MSN: variants seen among roughly 807,000 people sequenced by gnomAD.
The protein encoded by MSN is moesin.
MSN carries 2 observed loss-of-function variants against 48.0 expected under a neutral mutation model. That is an observed-to-expected ratio of 0.04 (90% CI 0.02 to 0.13). The LOEUF (loss-of-function observed/expected upper bound fraction) is 0.13, where lower values mean the gene tolerates loss of function less well. Ranked by LOEUF, MSN falls within the 10% of genes least tolerant of loss-of-function variation. The probability of loss-of-function intolerance (pLI) is 1.00; values close to 1 mark genes in which losing one functional copy is unlikely to be tolerated. For missense variants in MSN, 267 were observed against 470.1 expected, an observed-to-expected ratio of 0.57 and a Z score of 3.99; for synonymous variants, 146 against 166.9, an observed-to-expected ratio of 0.87 and a Z score of 0.97.
intron 1 of MSN, among the ~76,000 whole-genome samples, chrX:65,686,394 C>A (rs2071115274): frequency 8.9e-6 from 1 of 112,638 alleles, no homozygotes; most frequent in East Asian, 2.8e-4. Flanking sequence ...CAGAGGTTGA[C>A]CCTGACTGGG....
intron 1 of MSN, among the ~76,000 whole-genome samples, chrX:65,631,717 C>T (rs960550187): frequency 9.0e-6 from 1 of 111,680 alleles, no homozygotes; most frequent in Admixed American, 9.5e-5. Context: ...CTCTGTTGCC[C>T]ATGCTGGAGT....
intron 1 of MSN, among the ~76,000 whole-genome samples, chrX:65,708,540 A>G (rs1006661038): frequency 7.2e-5 from 8 of 110,953 alleles, no homozygotes; most frequent in African/African-American, 2.0e-4. Flanking sequence ...TGATCCGCCC[A>G]CATTGGCCTC....
chrX:65,681,597 C>G (rs1463644614), intron 1 of MSN, among the ~76,000 whole-genome samples: 1 of 112,286 alleles, frequency 8.9e-6, no homozygotes, highest in Non-Finnish European at 1.9e-5. Context: ...CAGAGAAAGC[C>G]TAGCTGGCCT....
rs2071733980 is a variant in MSN, at chrX:65,741,293, ACT to A, written c.*1403_*1404del. On this transcript the variant is annotated 3_prime_UTR_variant, in exon 13 of 13. Coordinates refer to ENST00000360270, the MANE Select transcript of MSN (RefSeq NM_002444.3). Reference sequence around the variant, plus strand: ...TCTTCTTCTTTCTACAGTATTATGTACTCTACTGATATCTAAATATTGATTTC... The same window carrying A: ...TCTTCTTCTTTCTACAGTATTATGTACTACTGATATCTAAATATTGATTTC... 6.0e-6 allele frequency: 1 copy of A among 165,660 alleles called. No individual in the cohort carries two copies. The highest frequency in any genetic ancestry group is 3.0e-5 in the African/African-American group (1 of 33,078). 13.7% of individuals were successfully genotyped at this position (165,660 alleles called of 1,213,427 possible).
At chrX:65,665,895 C>T (rs1393104232), upstream of MSN, among the ~76,000 whole-genome samples, 1 of 112,167 alleles carries the variant, frequency 8.9e-6, no homozygotes, top group African/African-American at 3.2e-5. Context: ...AACTGGCTTA[C>T]CATCTGTGGT....
chrX:65,612,679 G>A (rs2070330659), intron 1 of MSN, among the ~76,000 whole-genome samples: 1 of 108,976 alleles, frequency 9.2e-6, no homozygotes, highest in Non-Finnish European at 1.9e-5. Flanking sequence ...TCCTGCCTCA[G>A]CTTCTCAAGT....
At position 65,735,541 on chromosome X, in the gene MSN, G is replaced by A; in HGVS notation, c.959+111G>A. 4 of 838,006 alleles carry A rather than the reference G, an allele frequency of 4.8e-6. No individual in the cohort carries two copies. The South Asian group carries it at 9.0e-5, about 19-fold the overall frequency. 69.1% of individuals were successfully genotyped at this position (838,006 alleles called of 1,213,427 possible). On this transcript the variant is annotated intron_variant, in intron 8 of 12. Transcript: ENST00000360270. ...GGCCAACCTAGGACTTCATAGATGA[G>A]AGGTTAGACACCAATATTCACATTT...
intron 1 of MSN, among the ~76,000 whole-genome samples, chrX:65,630,037 G>A (rs1266065345): frequency 9.0e-6 from 1 of 110,840 alleles, no homozygotes; most frequent in Non-Finnish European, 1.9e-5. Flanking sequence ...AAATTCGCTG[G>A]GTGTGGTGGT....
At chrX:65,699,576 C>T (rs951821793) in intron 1 of MSN, among the ~76,000 whole-genome samples, 1 of 108,807 alleles carries the variant, frequency 9.2e-6, no homozygotes, top group Non-Finnish European at 1.9e-5. Flanking sequence ...AGTGAAACAC[C>T]GTCTCTACTA....
chrX:65,637,724 A>T (rs1044195683), intron 1 of MSN, among the ~76,000 whole-genome samples: 3 of 109,088 alleles, frequency 2.8e-5, no homozygotes, highest in East Asian at 5.8e-4. Flanking sequence ...GCGGGGTCTC[A>T]CTATGTTGCC....
intron 3 of MSN, 76 bp from the exon 4 acceptor site, chrX:65,729,362 T>A: frequency 9.1e-7 from 1 of 1,095,221 alleles, no homozygotes; most frequent in Non-Finnish European, 1.2e-6. Context: ...CTTTCAGTGT[T>A]TTCTCCCCAC....
At chrX:65,707,109 A>G (rs1339613861) in intron 1 of MSN, among the ~76,000 whole-genome samples, 1 of 110,912 alleles carries the variant, frequency 9.0e-6, no homozygotes, top group Non-Finnish European at 1.9e-5. Flanking sequence ...GCTTATTTGA[A>G]ACTGGCAGGC....
intron 1 of MSN, among the ~76,000 whole-genome samples, chrX:65,680,160 C>CT (rs1208627290): frequency 8.9e-6 from 1 of 111,762 alleles, no homozygotes; most frequent in Non-Finnish European, 1.9e-5. Context: ...AAGAGTGGTT[C>CT]TTTTTTTATA....
At chrX:65,706,569 T>G (rs1252883475) in intron 1 of MSN, among the ~76,000 whole-genome samples, 3 of 112,084 alleles carry the variant, frequency 2.7e-5, no homozygotes, top group Non-Finnish European at 3.8e-5. Context: ...CAAGCAGTGC[T>G]TCCCAGATGT....
At chrX:65,630,683 C>T (rs778820835) in intron 1 of MSN, among the ~76,000 whole-genome samples, 4 of 111,392 alleles carry the variant, frequency 3.6e-5, no homozygotes, top group Admixed American at 9.6e-5. Flanking sequence ...CTTACCCCAG[C>T]GCTAGGCAAC....
rs2071724106 is a variant in MSN at position 65,740,349 on chromosome X, A to T, written c.*456A>T. The stretch of plus-strand genomic sequence containing the variant: ...TCTAGGGAATGAGACAGGACCTAGG[A>T]TATCTTCTCCAGGATGTCAACTGAC... On this transcript the variant is annotated 3_prime_UTR_variant, in exon 13 of 13. Transcript: ENST00000360270. 5.6e-6 allele frequency: 1 copy of T among 178,785 alleles called. No individual in the cohort carries two copies. The highest frequency in any genetic ancestry group is 8.1e-5 in the East Asian group (1 of 12,419). The allele number at this position is 178,785 out of a possible 1,213,427, so 14.7% of individuals were successfully genotyped here. A position where few individuals can be genotyped will look rare whatever the true frequency, so the allele number is the denominator to read the frequency against.
At chrX:65,688,773 T>C (rs977080134) in intron 1 of MSN, among the ~76,000 whole-genome samples, 1 of 112,149 alleles carries the variant, frequency 8.9e-6, no homozygotes, top group African/African-American at 3.2e-5. Context: ...TCCTGCCTAC[T>C]TGGGGCCTGG....
At chrX:65,706,936 C>T (rs1338537989) in intron 1 of MSN, among the ~76,000 whole-genome samples, 1 of 111,892 alleles carries the variant, frequency 8.9e-6, no homozygotes, top group Non-Finnish European at 1.9e-5. Flanking sequence ...ATTTGACTTA[C>T]TCTCTGCTTT....
At chrX:65,634,351 G>A (rs1368013374) in intron 1 of MSN, among the ~76,000 whole-genome samples, 3 of 112,575 alleles carry the variant, frequency 2.7e-5, no homozygotes, top group Non-Finnish European at 5.6e-5. Context: ...GGTGGCTCAC[G>A]CCTGTAATCC....
Sources: gnomAD v4.1 joint callset for allele counts (sites outside exome capture counted in the v4.1 genomes callset) on GRCh38, gnomAD v4.1.1 for gene constraint, MANE v1.5 for transcripts, NCBI Gene and HGNC (gene_info 2026-07-23, HGNC 2026-07-21) for gene names.